FN1: variants seen among roughly 807,000 people sequenced by gnomAD.
The protein encoded by FN1 is fibronectin.
In FN1, 106 loss-of-function variants were observed where a neutral mutation model predicts 297.3. The ratio of observed to expected loss-of-function variants is 0.36; its 90% CI spans 0.30 to 0.42. The LOEUF is 0.42. Ranked by LOEUF, FN1 falls within the 10% of genes least tolerant of loss-of-function variation. The pLI, the probability that FN1 is intolerant of heterozygous loss-of-function variation, is 1.00. For synonymous variants in FN1, 1,149 were observed against 1,152.6 expected, an observed-to-expected ratio of 1.00 and a Z score of 0.06; for missense variants, 2,690 against 3,124.9, an observed-to-expected ratio of 0.86 and a Z score of 3.32.
At chr2:215,368,862 C>T (rs2055228567) in intron 41 of FN1, among the ~76,000 whole-genome samples, 1 of 152,112 alleles carries the variant, frequency 6.6e-6, no homozygotes, top group African/African-American at 2.4e-5. Flanking sequence ...TCTATGCAAA[C>T]AAAGCATGCT....
intron 31 of FN1, 131 bp downstream of exon 31, chr2:215,383,197 G>A (rs761278442): frequency 1.1e-6 from 1 of 879,108 alleles, no homozygotes; most frequent in South Asian, 1.4e-5. Flanking sequence ...TAGTACAGAC[G>A]GGGTTTCGCC....
chr2:215,381,232 T>A (rs1456238514), intron 32 of FN1, 152 bp from the exon 33 acceptor site: 1 of 734,950 alleles, frequency 1.4e-6, no homozygotes, highest in Non-Finnish European at 2.3e-6. Flanking sequence ...AAACACTTGC[T>A]TAATTTTTCT....
intron 3 of FN1, among the ~76,000 whole-genome samples, chr2:215,432,350 T>C (rs2066674414): frequency 6.6e-6 from 1 of 152,200 alleles, no homozygotes; most frequent in South Asian, 2.1e-4. Flanking sequence ...ACTCCAGCTT[T>C]TGGGAGCATG....
chr2:215,401,198 A>AAAGAAAG lies in FN1; in HGVS notation c.3254-1848_3254-1847insCTTTCTT, dbSNP rs1425522048. ...GAGAGAGAGTGAGAGAGAAAGAAAG[A>AAAGAAAG]AAAGAAAGAAAGAAAGAAAGAAAGA... On this transcript the variant is annotated intron_variant, in intron 20 of 45. Transcript: ENST00000354785. Among the ~76,000 whole-genome samples the AAAGAAAG allele has an allele frequency of 9.8e-4, 85 of 86,820 alleles. 12 individuals carry two copies. Among genetic ancestry groups the AAAGAAAG allele is most frequent in the Middle Eastern group, 5.8e-3 (1 of 172 alleles). 57.0% of individuals were successfully genotyped at this position (86,820 alleles called of 152,430 possible).
chr2:215,397,772 C>G lies in FN1; in HGVS notation c.3425G>C (p.Gly1142Ala). The change falls in exon 22 of 46, where the codon GGC becomes GCC. Residue 1142 changes from glycine to alanine, a missense_variant. Physicochemically the swap from Gly to Ala is moderately conservative, Grantham distance 60. This residue lies in a region of FN1 where 1,743 missense variants were observed against 1,945.2 expected (regional missense o/e 0.90). Transcript: ENST00000354785. The stretch of plus-strand genomic sequence containing the variant: ...GACGTATTCTACTCCTGGAGTCAAG[C>G]CGGACACAACGATGCTTCCTGAGTC... ...TSDSGSIVVS[G>A]LTPGVEYVYT... The G allele has an allele frequency of 6.2e-7, 1 of 1,614,080 alleles. No individual in the cohort carries two copies. Among genetic ancestry groups the G allele is most frequent in the Admixed American group, 1.7e-5 (1 of 60,020 alleles).
intron 35 of FN1, among the ~76,000 whole-genome samples, 176 bp downstream of exon 35, chr2:215,377,999 G>T (rs2057619518): frequency 6.6e-6 from 1 of 152,034 alleles, no homozygotes; most frequent in South Asian, 2.1e-4. Context: ...TTAAGAGACA[G>T]GGCCTTGCTA....
intron 17 of FN1, 150 bp from the exon 18 acceptor site, chr2:215,407,471 ACTT>A (rs756926475): frequency 3.8e-5 from 27 of 709,362 alleles, no homozygotes; most frequent in Non-Finnish European, 5.3e-5. Flanking sequence ...GAATATTGCC[ACTT>A]CTTCTAATAA....
chr2:215,407,963 C>A, intron 17 of FN1, 145 bp downstream of exon 17: 1 of 644,034 alleles, frequency 1.6e-6, no homozygotes, highest in Non-Finnish European at 2.8e-6. Context: ...GCCACACACA[C>A]ACACACACAC....
At position 215,380,932 on chromosome 2, in the gene FN1, AG is replaced by A. The variant is rs1392887438; in HGVS notation, c.5312del (p.Pro1771LeufsTer35). The A allele has an allele frequency of 1.2e-6, 2 of 1,614,228 alleles. No individual in the cohort carries two copies. The highest frequency in any genetic ancestry group is 1.7e-6 in the Non-Finnish European group (2 of 1,180,048). ...EDGIHELFPA[P>X]DGEEDTAELQ... Reference sequence around the variant, plus strand: ...GCTCTGCAGTGTCTTCTTCACCATCAGGTGCAGGGAATAGCTCATGGATTCC... The same window carrying A: ...GCTCTGCAGTGTCTTCTTCACCATCAGTGCAGGGAATAGCTCATGGATTCC... On this transcript the variant is annotated frameshift_variant, in exon 33 of 46. Transcript: ENST00000354785. LOFTEE classifies it high-confidence loss of function.
At chr2:215,428,061 G>A (rs556531888) in intron 6 of FN1, 119 bp downstream of exon 6, 43 of 1,204,398 alleles carry the variant, frequency 3.6e-5, no homozygotes, top group South Asian at 1.7e-4. Context: ...ATTATCTTAG[G>A]TTATTAGCTG....
chr2:215,385,869 C>T (rs908136330), intron 28 of FN1, among the ~76,000 whole-genome samples: 1 of 150,420 alleles, frequency 6.6e-6, no homozygotes, highest in Admixed American at 6.6e-5. Context: ...CCTCCGCCTC[C>T]TGGGTTCAAG....
At chr2:215,424,067 G>C in intron 8 of FN1, 79 bp downstream of exon 8, 1 of 1,424,264 alleles carries the variant, frequency 7.0e-7, no homozygotes, top group Admixed American at 1.7e-5. Flanking sequence ...CAAAATAAAT[G>C]GCTAGAATGC....
Position 215,383,435 on chromosome 2 carries a change from C to G in FN1, c.4943G>C (p.Ser1648Thr). The change falls in exon 31 of 46, where the codon AGC (serine) becomes ACC (threonine). Residue 1648 changes from serine (S) to threonine (T), a missense_variant. Coordinates refer to ENST00000354785, the MANE Select transcript of FN1 (RefSeq NM_212482.4). ...TGAAGGCAGCCACTTGACACTAATG[C>G]TGTTGTCCTGAACATCGGTCACTTG... ...QMQVTDVQDN[S>T]ISVKWLPSSS... 6.2e-7 allele frequency: 1 copy of G among 1,614,150 alleles called. No individual in the cohort carries two copies. The highest frequency in any genetic ancestry group is 8.5e-7 in the Non-Finnish European group (1 of 1,179,996).
At chr2:215,370,080 A>G (rs2055548931) in intron 41 of FN1, among the ~76,000 whole-genome samples, 1 of 152,188 alleles carries the variant, frequency 6.6e-6, no homozygotes, top group Non-Finnish European at 1.5e-5. Flanking sequence ...AGAGTCTGTC[A>G]ATTACGTATG....
At chr2:215,401,284 A>AAG (rs1491067206) in intron 20 of FN1, among the ~76,000 whole-genome samples, 47 of 103,628 alleles carry the variant, frequency 4.5e-4, no homozygotes, top group Admixed American at 1.1e-3. Flanking sequence ...AAGGAAAGGA[A>AAG]GAAAAGAGAG....
In FN1 at chr2:215,397,836, G is replaced by A; in HGVS notation, c.3361C>T (p.Pro1121Ser). The A allele has an allele frequency of 6.2e-7, 1 of 1,614,106 alleles. No homozygotes were observed. The highest frequency in any genetic ancestry group is 8.5e-7 in the Non-Finnish European group (1 of 1,179,988). ...CGTGGTGCCTCTCCTCCCTGGCTTG[G>A]TCGTACACCCAGCTAGAGGAAGGAA... ...PRIGFKLGVR[P>S]SQGGEAPREV... Residue 1121 changes from proline (P) to serine (S), a missense_variant, in exon 22 of 46, where the codon CCA (proline) becomes TCA (serine). This residue lies in a region of FN1 where 1,743 missense variants were observed against 1,945.2 expected (regional missense o/e 0.90). Transcript: ENST00000354785.
intron 9 of FN1, among the ~76,000 whole-genome samples, chr2:215,422,591 C>A (rs533335926): frequency 6.6e-6 from 1 of 152,240 alleles, no homozygotes; most frequent in East Asian, 1.9e-4. Context: ...TATTCTGGAT[C>A]AAATAAAAAC....
At chr2:215,384,236 T>G in intron 29 of FN1, 52 bp from the exon 30 acceptor site, 1 of 1,538,206 alleles carries the variant, frequency 6.5e-7, no homozygotes, top group Non-Finnish European at 9.0e-7. Context: ...GCTACTTGGG[T>G]ATTACTGATT....
At chr2:215,375,124 C>G in intron 38 of FN1, 90 bp downstream of exon 38, 1 of 1,286,464 alleles carries the variant, frequency 7.8e-7, no homozygotes. Context: ...ATTCTCATGA[C>G]ACAGTATCAA....
Sources: allele counts gnomAD v4.1 joint callset (sites outside exome capture counted in the v4.1 genomes callset), GRCh38; gene constraint gnomAD v4.1.1; regional missense constraint gnomAD v4.1.1; transcripts MANE v1.5; gene names NCBI Gene and HGNC (gene_info 2026-07-23, HGNC 2026-07-21).